The following KRIT1 variants were observed in gnomAD, a reference collection of about 807,000 sequenced individuals.
KRIT1 encodes the protein KRIT1 ankyrin repeat containing, also known as krev interaction trapped protein 1.
In KRIT1, 45 loss-of-function variants were observed where a neutral mutation model predicts 95.8. The ratio of observed to expected loss-of-function variants is 0.47; its 90% confidence interval spans 0.37 to 0.60. The LOEUF is 0.60. Ranked by LOEUF, KRIT1 falls within the 20% of genes least tolerant of loss-of-function variation. KRIT1 has a pLI of 0.00. For missense variants in KRIT1, 788 were observed against 877.5 expected, an observed-to-expected ratio of 0.90 and a Z score of 1.29; for synonymous variants, 282 against 278.8, an observed-to-expected ratio of 1.01 and a Z score of -0.11.
intron 8 of KRIT1, 71 bp from the exon 9 acceptor site, chr7:92,234,994 T>G: frequency 5.1e-6 from 4 of 784,064 alleles, no homozygotes; most frequent in Non-Finnish European, 8.9e-6. Flanking sequence ...GTTTATATTT[T>G]AAATTTTTAC....
intron 17 of KRIT1, among the ~76,000 whole-genome samples, chr7:92,212,646 G>C (rs1279444403): frequency 1.3e-5 from 2 of 152,162 alleles, no homozygotes; most frequent in Non-Finnish European, 2.9e-5. Context: ...CTAGCACGCT[G>C]ATCTCAGACT....
chr7:92,209,152 A>G (rs1038046449), intron 17 of KRIT1, among the ~76,000 whole-genome samples: 2 of 149,728 alleles, frequency 1.3e-5, no homozygotes, highest in Non-Finnish European at 3.0e-5. Flanking sequence ...TTTCGTGATG[A>G]AAAAAAAAAC....
rs757494309 is a variant in KRIT1, at chr7:92,234,816, T to C, written c.837A>G (p.Thr279=). 1 of 1,578,822 alleles carries C rather than the reference T, an allele frequency of 6.3e-7. No individual in the cohort carries two copies. The highest frequency in any genetic ancestry group is 1.3e-5 in the African/African-American group (1 of 74,312). ...EKWQRSMSSV[T]EDKERQWVDD... is the part of the protein sequence containing the mutation. ...TAAAACCGAAACAGTACTTGTCTTC[T>C]GTGACACTGCTCATGCTTCTCTGCC... The change falls in exon 9 of 19, where the codon ACA becomes ACG. Residue 279 remains threonine, a synonymous_variant. Coordinates refer to ENST00000394505, the MANE Select transcript of KRIT1 (RefSeq NM_194454.3).
chr7:92,213,140 A>T, intron 17 of KRIT1, 55 bp downstream of exon 17: 1 of 1,156,824 alleles, frequency 8.6e-7, no homozygotes. Context: ...GTAGGTTGGT[A>T]CTGTTGTTTT....
chr7:92,237,129 C>T (rs535189480), intron 6 of KRIT1, among the ~76,000 whole-genome samples: 1 of 152,138 alleles, frequency 6.6e-6, no homozygotes, highest in South Asian at 2.1e-4. Context: ...AGGAGATTTG[C>T]CCAAGGTCAC....
At chr7:92,201,516 A>G (rs1175711397) in intron 17 of KRIT1, 93 bp from the exon 18 acceptor site, 5 of 764,140 alleles carry the variant, frequency 6.5e-6, no homozygotes, top group Non-Finnish European at 1.2e-5. Context: ...TCTGCTCTAA[A>G]TATAATAGTT....
In KRIT1 at chr7:92,230,904, C is replaced by T. The variant is rs763089749; in HGVS notation, c.989+3545G>A. On this transcript the variant is annotated intron_variant, in intron 10 of 18. Coordinates refer to ENST00000394505, the MANE Select transcript of KRIT1 (RefSeq NM_194454.3). ...AAGTTTAAGTACTTAGGAGTAGAAACGTTTAGAATAGCTTGGAAGGGGAGG... is the reference window on the plus strand; with the variant it reads ...AAGTTTAAGTACTTAGGAGTAGAAATGTTTAGAATAGCTTGGAAGGGGAGG... Among the ~76,000 whole-genome samples, 4 of 151,982 alleles carry T rather than the reference C, an allele frequency of 2.6e-5. 1 individual carries two copies. The highest frequency in any genetic ancestry group is 4.1e-4 in the South Asian group (2 of 4,822).
chr7:92,216,228 C>CA (rs200120119), intron 14 of KRIT1, among the ~76,000 whole-genome samples: 4,465 of 62,742 alleles, frequency 0.071, 92 homozygotes, highest in Middle Eastern at 0.15. Context: ...GACTCCATCT[C>CA]AAAAAAAAAA....
intron 8 of KRIT1, 83 bp downstream of exon 8, chr7:92,235,320 T>A: frequency 7.5e-7 from 1 of 1,327,780 alleles, no homozygotes; most frequent in Non-Finnish European, 1.1e-6. Flanking sequence ...TAATTAGTAA[T>A]AGATGTATAT....
chr7:92,217,952 G>A (rs1396511812), intron 14 of KRIT1, among the ~76,000 whole-genome samples: 1 of 152,044 alleles, frequency 6.6e-6, no homozygotes, highest in Admixed American at 6.5e-5. Context: ...CCATCCTAGT[G>A]GGTGTGGTTT....
At chr7:92,222,790 G>A (rs1245104477) in intron 13 of KRIT1, 32 bp downstream of exon 13, 1 of 1,342,580 alleles carries the variant, frequency 7.4e-7, no homozygotes, top group Non-Finnish European at 1.1e-6. Flanking sequence ...GGAATAATGA[G>A]GTTTACTATA....
At chr7:92,207,447 G>A (rs1175077461) in intron 17 of KRIT1, among the ~76,000 whole-genome samples, 2 of 151,790 alleles carry the variant, frequency 1.3e-5, no homozygotes, top group African/African-American at 4.8e-5. Flanking sequence ...AGATCTAAAG[G>A]GAATGACAGA....
At chr7:92,218,061 A>G (rs975955511) in intron 14 of KRIT1, among the ~76,000 whole-genome samples, 3 of 152,170 alleles carry the variant, frequency 2.0e-5, no homozygotes, top group Non-Finnish European at 2.9e-5. Flanking sequence ...CCTTCGACCT[A>G]TTTTATTTAC....
Position 92,236,493 on chromosome 7 carries a change from T to C in KRIT1, c.405A>G (p.Leu135=). Residue 135 remains leucine (L), a synonymous_variant, in exon 7 of 19, where the codon TTA becomes TTG. Transcript: ENST00000394505. ...YTPGCPIFYC[L]QDIMRVCSES... is the part of the protein sequence containing the mutation. Reference sequence around the variant, plus strand: ...CACTACAGACTCGCATAATATCTTGTAAGCAGTAAAAAATTGGGCATCCTG... The same window carrying C: ...CACTACAGACTCGCATAATATCTTGCAAGCAGTAAAAAATTGGGCATCCTG... The C allele has an allele frequency of 1.3e-6, 2 of 1,588,044 alleles. No homozygotes were observed. Among genetic ancestry groups the C allele is most frequent in the South Asian group, 1.1e-5 (1 of 90,532 alleles).
intron 14 of KRIT1, among the ~76,000 whole-genome samples, chr7:92,221,312 G>A (rs1368973522): frequency 1.3e-5 from 2 of 152,004 alleles, no homozygotes; most frequent in Non-Finnish European, 2.9e-5. Context: ...GGTGGCACAC[G>A]CCTATAATCC....
At chr7:92,229,908 G>C (rs1343315722) in intron 10 of KRIT1, among the ~76,000 whole-genome samples, 3 of 152,142 alleles carry the variant, frequency 2.0e-5, no homozygotes, top group African/African-American at 7.2e-5. Context: ...GAAGGCAAAG[G>C]CTTAGAGTAT....
At chr7:92,201,667 T>C (rs1790181554) in intron 17 of KRIT1, 2 of 415,444 alleles carry the variant, frequency 4.8e-6, no homozygotes, top group South Asian at 2.3e-5. Context: ...ATATTTCTCC[T>C]AATGCTATCC....
intron 17 of KRIT1, among the ~76,000 whole-genome samples, chr7:92,209,091 T>C (rs920574708): frequency 6.6e-6 from 1 of 151,662 alleles, no homozygotes; most frequent in Admixed American, 6.6e-5. Flanking sequence ...ACAAAAACCA[T>C]ATAATAGTTT....
intron 10 of KRIT1, among the ~76,000 whole-genome samples, chr7:92,230,324 C>A (rs1797030237): frequency 1.3e-5 from 2 of 152,054 alleles, no homozygotes; most frequent in South Asian, 4.1e-4. Context: ...AGGTCTGGAT[C>A]ACAGAATGGA....
Sources: gnomAD v4.1 joint callset for allele counts (sites outside exome capture counted in the v4.1 genomes callset) on GRCh38, gnomAD v4.1.1 for gene constraint, MANE v1.5 for transcripts, NCBI Gene and HGNC (gene_info 2026-07-23, HGNC 2026-07-21) for gene names.